Variants in DNAH14 observed in about 807,000 individuals in gnomAD.
DNAH14 encodes the protein axonemal beta dynein heavy chain 14.
Under a neutral mutation model 520.9 loss-of-function variants are expected in DNAH14, and 478 were observed. The ratio of observed to expected loss-of-function variants is 0.92; its 90% CI spans 0.85 to 0.99. The LOEUF is 0.99. Ranked by LOEUF, DNAH14 falls within the 50% of genes least tolerant of loss-of-function variation. The pLI, the probability that DNAH14 is intolerant of heterozygous loss-of-function variation, is 0.00. For missense variants in DNAH14, 4,831 were observed against 5,234.5 expected (o/e 0.92, Z 2.38); for synonymous variants, 1,581 against 1,757.2 (o/e 0.90, Z 2.51).
intron 34 of DNAH14, among the ~76,000 whole-genome samples, chr1:225,157,219 G>A (rs1444893295): frequency 1.3e-5 from 2 of 152,212 alleles, no homozygotes; most frequent in Non-Finnish European, 2.9e-5. Context: ...TAGGACCCTT[G>A]TGGTAGGAAA....
intron 40 of DNAH14, among the ~76,000 whole-genome samples, 188 bp from the exon 41 acceptor site, chr1:225,206,780 A>G (rs975358254): frequency 1.3e-5 from 2 of 152,210 alleles, no homozygotes; most frequent in African/African-American, 4.8e-5. Flanking sequence ...GACCATAGAT[A>G]GAAGTCACAA....
At chr1:225,374,906 CT>C in intron 78 of DNAH14, 21 bp downstream of exon 78, 1 of 1,502,648 alleles carries the variant, frequency 6.7e-7, no homozygotes, top group Non-Finnish European at 9.0e-7. Context: ...AATCAATCTT[CT>C]TGCATTTCTC....
chr1:225,208,390 T>A (rs1359947392), intron 41 of DNAH14, among the ~76,000 whole-genome samples: 1 of 152,132 alleles, frequency 6.6e-6, no homozygotes, highest in Non-Finnish European at 1.5e-5. Context: ...GTTAGCTGTA[T>A]AACAGATTAG....
intron 17 of DNAH14, among the ~76,000 whole-genome samples, chr1:225,052,589 C>A (rs777476265): frequency 3.3e-5 from 5 of 152,106 alleles, no homozygotes; most frequent in Non-Finnish European, 7.3e-5. Context: ...GGGATAGATT[C>A]AATAGAGTCT....
At chr1:225,165,388 C>T (rs1016717253) in intron 35 of DNAH14, among the ~76,000 whole-genome samples, 1 of 151,670 alleles carries the variant, frequency 6.6e-6, no homozygotes, top group Non-Finnish European at 1.5e-5. Flanking sequence ...ATTTTTAGTT[C>T]TCTAAATTAA....
chr1:224,933,021 A>G (rs1416688568), intron 1 of DNAH14, among the ~76,000 whole-genome samples: 1 of 152,006 alleles, frequency 6.6e-6, no homozygotes, highest in Non-Finnish European at 1.5e-5. Context: ...GCTTTTGGCA[A>G]TACGGTCATT....
intron 81 of DNAH14, among the ~76,000 whole-genome samples, chr1:225,383,144 C>A (rs760424372): frequency 6.6e-6 from 1 of 152,022 alleles, no homozygotes; most frequent in Non-Finnish European, 1.5e-5. Context: ...AGTGATTATA[C>A]GAAAAACCAT....
At chr1:225,006,891 C>T (rs1002574323) in intron 9 of DNAH14, among the ~76,000 whole-genome samples, 6 of 152,136 alleles carry the variant, frequency 3.9e-5, no homozygotes, top group African/African-American at 1.2e-4. Context: ...GGGGGCATCA[C>T]GGAATCTGCC....
At chr1:225,042,068 C>T (rs936484305) in intron 12 of DNAH14, among the ~76,000 whole-genome samples, 2 of 152,148 alleles carry the variant, frequency 1.3e-5, no homozygotes, top group Non-Finnish European at 2.9e-5. Flanking sequence ...CCTTCAATAT[C>T]TACTCATGCT....
chr1:225,231,008 A>C, intron 41 of DNAH14, 65 bp from the exon 42 acceptor site: 2 of 1,131,124 alleles, frequency 1.8e-6, no homozygotes, highest in Non-Finnish European at 2.6e-6. Flanking sequence ...GTTAAACCTC[A>C]TTAGTTTACC....
intron 8 of DNAH14, among the ~76,000 whole-genome samples, chr1:224,985,356 A>T (rs796354724): frequency 2.0e-5 from 3 of 152,288 alleles, no homozygotes; most frequent in African/African-American, 7.2e-5. Context: ...AAGTGAAGTA[A>T]CTCAGGAATG....
intron 36 of DNAH14, among the ~76,000 whole-genome samples, chr1:225,170,749 G>C (rs1227501240): frequency 1.3e-5 from 2 of 152,030 alleles, no homozygotes; most frequent in Non-Finnish European, 2.9e-5. Flanking sequence ...GAATTGAATT[G>C]AGCTCTGCAC....
chr1:225,129,911 C>T (rs561391226), intron 27 of DNAH14, among the ~76,000 whole-genome samples: 30 of 152,190 alleles, frequency 2.0e-4, no homozygotes, highest in African/African-American at 7.2e-4. Context: ...ATTTTTGCAA[C>T]CTACTCATCA....
chr1:225,097,118 G>T lies in DNAH14; in HGVS notation c.3574G>T (p.Asp1192Tyr), dbSNP rs1166743850. The stretch of plus-strand genomic sequence containing the variant: ...TGTGTATATGTTTTTATCATTGTAG[G>T]ATCTTGTGAATGAATGGGATCAAAA... ...KGSPHIGPIK[D>Y]LVNEWDQNLT... is the part of the protein sequence containing the mutation. Residue 1192 changes from aspartate to tyrosine, a missense_variant and splice_region_variant, in exon 22 of 86, where the codon GAT becomes TAT. Transcript: ENST00000682510. 2 of 1,544,900 alleles carry T rather than the reference G, an allele frequency of 1.3e-6. 1 individual carries two copies. The highest frequency in any genetic ancestry group is 1.7e-6 in the Non-Finnish European group (2 of 1,143,720).
intron 17 of DNAH14, among the ~76,000 whole-genome samples, chr1:225,075,001 A>G (rs183913336): frequency 4.6e-5 from 7 of 152,324 alleles, no homozygotes; most frequent in Non-Finnish European, 7.3e-5. Flanking sequence ...CTTTGCCAGC[A>G]TTGCAGTTAC....
At chr1:224,944,305 C>T (rs1344340884) in intron 1 of DNAH14, among the ~76,000 whole-genome samples, 1 of 152,170 alleles carries the variant, frequency 6.6e-6, no homozygotes, top group Non-Finnish European at 1.5e-5. Flanking sequence ...TTATCTGAGA[C>T]TAGGATTGCA....
intron 41 of DNAH14, among the ~76,000 whole-genome samples, chr1:225,217,604 G>A (rs1053122426): frequency 6.6e-6 from 1 of 152,160 alleles, no homozygotes; most frequent in East Asian, 1.9e-4. Context: ...AGCAATGGTG[G>A]ACGCCCCTCC....
intron 54 of DNAH14, among the ~76,000 whole-genome samples, chr1:225,282,742 T>TA (rs1477635596): frequency 1.3e-5 from 2 of 152,292 alleles, no homozygotes; most frequent in East Asian, 3.9e-4. Context: ...TGAGGGTTGC[T>TA]AAGGGAGAGT....
At chr1:224,939,431 G>T (rs1047208553) in intron 1 of DNAH14, among the ~76,000 whole-genome samples, 2 of 152,170 alleles carry the variant, frequency 1.3e-5, no homozygotes, top group African/African-American at 4.8e-5. Flanking sequence ...AGCACTTTGG[G>T]ATGCCCAGGT....
Sources: gnomAD v4.1 joint callset for allele counts (sites outside exome capture counted in the v4.1 genomes callset) on GRCh38, gnomAD v4.1.1 for gene constraint, MANE v1.5 for transcripts, NCBI Gene and HGNC (gene_info 2026-07-23, HGNC 2026-07-21) for gene names.